The following JAK2 variants were observed in gnomAD, a reference collection of about 807,000 sequenced individuals.
JAK2 encodes the protein Janus kinase 2, also known as tyrosine-protein kinase JAK2.
A neutral mutation model predicts 139.3 loss-of-function variants in JAK2; 86 were observed. The observed-to-expected ratio is 0.62, with a 90% CI of 0.52 to 0.74. The LOEUF (loss-of-function observed/expected upper bound fraction) is 0.74, where lower values mean the gene tolerates loss of function less well. Among genes scored for constraint, JAK2 ranks in the 30% least tolerant of loss-of-function variants. The pLI is 0.00. For missense variants in JAK2, 1,421 were observed against 1,360.3 expected, an observed-to-expected ratio of 1.04 and a Z score of -0.70; for synonymous variants, 490 against 437.7, an observed-to-expected ratio of 1.12 and a Z score of -1.49.
Position 5,090,749 on chromosome 9 carries a change from A to G in JAK2, c.2897A>G (p.Tyr966Cys), listed in dbSNP as rs2130682411. 3.7e-6 allele frequency: 6 copies of G among 1,603,330 alleles called. No individual in the cohort carries two copies. The highest frequency in any genetic ancestry group is 5.1e-6 in the Non-Finnish European group (6 of 1,177,200). The change falls in exon 22 of 25, where the codon TAT (tyrosine) becomes TGT (cysteine). Residue 966 changes from tyrosine to cysteine, a missense_variant. Coordinates refer to ENST00000381652, the MANE Select transcript of JAK2 (RefSeq NM_004972.4). ...ATGTTTTATCCATAGGGTATGGAGT[A>G]TCTTGGTACAAAAAGGTATATCCAC... Reference protein sequence around the residue: ...YTSQICKGMEYLGTKRYIHRD... With the variant: ...YTSQICKGMECLGTKRYIHRD...
chr9:5,084,015 A>G (rs965723696), intron 19 of JAK2, among the ~76,000 whole-genome samples: 1 of 152,136 alleles, frequency 6.6e-6, no homozygotes, highest in Non-Finnish European at 1.5e-5. Context: ...TAATTTATTT[A>G]CAACATTCCC....
rs574688665 is a variant in JAK2, at chr9:5,054,416, G to C, written c.615-147G>C. The C allele has an allele frequency of 5.0e-6, 3 of 605,064 alleles. No individual in the cohort carries two copies. The East Asian group carries it at 8.3e-5, about 17-fold the overall frequency. 37.5% of individuals were successfully genotyped at this position (605,064 alleles called of 1,614,324 possible). ...TTAAAGTTTTATACTGTATGGATGG[G>C]GGTTATGTCAACTTACGCCACTTGG... On this transcript the variant is annotated intron_variant, in intron 6 of 24. Coordinates refer to ENST00000381652, the MANE Select transcript of JAK2 (RefSeq NM_004972.4). This position sits in a 1 kb window ranked among gnomAD's most constrained non-coding sequence, Gnocchi z 4.9.
At chr9:5,087,305 A>C (rs1820202343) in intron 19 of JAK2, among the ~76,000 whole-genome samples, 1 of 152,206 alleles carries the variant, frequency 6.6e-6, no homozygotes, top group Non-Finnish European at 1.5e-5. Flanking sequence ...GAGAAATGCC[A>C]GATGCTTACA....
At chr9:5,041,146 G>C (rs1816474194) in intron 4 of JAK2, 2 of 1,104,158 alleles carry the variant, frequency 1.8e-6, no homozygotes, top group African/African-American at 1.5e-5. Flanking sequence ...CCATCCGGCT[G>C]ATCACGCGCA....
chr9:5,129,017 C>T lies in JAK2; in HGVS notation c.*2226C>T, dbSNP rs1248462189. 2.0e-5 allele frequency among the ~76,000 whole-genome samples: 3 copies of T among 152,004 alleles called. No homozygotes were observed. Among genetic ancestry groups the T allele is most frequent in the African/African-American group, 7.2e-5 (3 of 41,418 alleles). On this transcript the variant is annotated 3_prime_UTR_variant, in exon 25 of 25. Coordinates refer to ENST00000381652, the MANE Select transcript of JAK2 (RefSeq NM_004972.4). Reference sequence around the variant, plus strand: ...CACTTTTTCACGCTATTTATATATGCTGCCAGTAACACTATAATTTGCTAT... The same window carrying T: ...CACTTTTTCACGCTATTTATATATGTTGCCAGTAACACTATAATTTGCTAT...
intron 4 of JAK2, among the ~76,000 whole-genome samples, chr9:5,043,673 G>A (rs1816782297): frequency 6.6e-6 from 1 of 152,064 alleles, no homozygotes; most frequent in South Asian, 2.1e-4. Flanking sequence ...ATTCACAATA[G>A]AAAAATAATA....
chr9:5,078,632 A>T (rs1360591225), intron 16 of JAK2, among the ~76,000 whole-genome samples, 188 bp downstream of exon 16: 1 of 152,208 alleles, frequency 6.6e-6, no homozygotes, highest in African/African-American at 2.4e-5. Context: ...TTATAAGCAT[A>T]TAACCATGGA....
rs1206936796 is a variant in JAK2 at position 5,129,816 on chromosome 9, A to C, written c.*3025A>C. ...TCAGTCAAATTCATGTATGTATATC[A>C]TATAGCCTTTAACTTTTTACATTAA... On this transcript the variant is annotated 3_prime_UTR_variant, in exon 25 of 25. Coordinates refer to ENST00000381652, the MANE Select transcript of JAK2 (RefSeq NM_004972.4). Among the ~76,000 whole-genome samples, 1 of 152,178 alleles carries C rather than the reference A, an allele frequency of 6.6e-6. No homozygotes were observed. The highest frequency in any genetic ancestry group is 1.5e-5 in the Non-Finnish European group (1 of 67,980).
chr9:5,013,669 C>G (rs1383357089), intron 2 of JAK2, among the ~76,000 whole-genome samples: 1 of 152,142 alleles, frequency 6.6e-6, no homozygotes, highest in African/African-American at 2.4e-5. Context: ...TTCTATTTTC[C>G]TTTTAAGGTC....
chr9:4,990,530 G>A (rs1375886488), intron 2 of JAK2, among the ~76,000 whole-genome samples: 11 of 152,034 alleles, frequency 7.2e-5, no homozygotes, highest in Admixed American at 7.2e-4. Flanking sequence ...CTGGTGCTGT[G>A]GTACTTAAGA....
chr9:5,005,997 G>C (rs1821274203), intron 2 of JAK2, among the ~76,000 whole-genome samples: 1 of 152,156 alleles, frequency 6.6e-6, no homozygotes, highest in South Asian at 2.1e-4. Context: ...GGTTCCATAT[G>C]AACTTTAAAG....
intron 22 of JAK2, among the ~76,000 whole-genome samples, chr9:5,113,057 C>T (rs926170128): frequency 1.4e-4 from 22 of 152,076 alleles, no homozygotes; most frequent in Admixed American, 5.2e-4. Flanking sequence ...GGTCCAGGAG[C>T]TCCCTGGGAC....
intron 12 of JAK2, among the ~76,000 whole-genome samples, chr9:5,071,547 G>C (rs1229175392): frequency 2.0e-5 from 3 of 152,148 alleles, no homozygotes. Context: ...AGGATGAAAA[G>C]TAAATTACTT....
intron 19 of JAK2, among the ~76,000 whole-genome samples, chr9:5,086,502 A>T (rs1176290819): frequency 6.6e-6 from 1 of 152,082 alleles, no homozygotes. Flanking sequence ...ATTAGCTAAC[A>T]TCTTGGTCCA....
chr9:5,040,772 C>G (rs1816428777), intron 4 of JAK2, among the ~76,000 whole-genome samples: 1 of 152,240 alleles, frequency 6.6e-6, no homozygotes, highest in Non-Finnish European at 1.5e-5. Flanking sequence ...GCGCCTTCCG[C>G]CCTTAACATG....
At chr9:5,111,448 TC>T in intron 22 of JAK2, 1 of 392,704 alleles carries the variant, frequency 2.5e-6, no homozygotes. Flanking sequence ...CGCCTGGTCT[TC>T]CATCCTCGGC....
intron 2 of JAK2, among the ~76,000 whole-genome samples, chr9:5,012,699 T>C (rs1161757095): frequency 6.6e-6 from 1 of 152,220 alleles, no homozygotes; most frequent in Non-Finnish European, 1.5e-5. Flanking sequence ...TAAGAATAGA[T>C]CGTTTGACAA....
In JAK2 at chr9:4,990,838, C is replaced by T. The variant is rs1820201193; in HGVS notation, c.-26+4816C>T. On this transcript the variant is annotated intron_variant, in intron 2 of 24. Coordinates refer to ENST00000381652, the MANE Select transcript of JAK2 (RefSeq NM_004972.4). ...TGTTCTCTCCGGTTTAACAAAAGAC[C>T]TTTGGATTTGACAGTTGGGTGATCA... is the stretch of plus-strand genomic sequence containing the variant. Among the ~76,000 whole-genome samples, 3 of 152,234 alleles carry T rather than the reference C, an allele frequency of 2.0e-5. No individual in the cohort carries two copies. The South Asian group carries it at 6.2e-4, about 32-fold the overall frequency.
intron 19 of JAK2, among the ~76,000 whole-genome samples, chr9:5,083,340 T>C (rs544433644): frequency 1.5e-3 from 229 of 152,284 alleles, no homozygotes; most frequent in African/African-American, 5.4e-3. Flanking sequence ...CAGTTCTTAG[T>C]AGGTCCAACC....
Sources: allele counts gnomAD v4.1 joint callset (sites outside exome capture counted in the v4.1 genomes callset), GRCh38; gene constraint gnomAD v4.1.1; non-coding constraint Gnocchi (gnomAD v3.1); transcripts MANE v1.5; gene names NCBI Gene and HGNC (gene_info 2026-07-23, HGNC 2026-07-21).